The following CELF2 variants were observed in gnomAD, a reference collection of about 807,000 sequenced individuals.
CELF2 encodes CUG triplet repeat RNA-binding protein 2.
A neutral mutation model predicts 62.6 loss-of-function variants in CELF2; 8 were observed. The observed-to-expected ratio is 0.13, with a 90% CI of 0.07 to 0.23. The LOEUF (loss-of-function observed/expected upper bound fraction) is 0.23, where lower values mean the gene tolerates loss of function less well. Among genes scored for constraint, CELF2 ranks in the 10% least tolerant of loss-of-function variants. The probability of loss-of-function intolerance (pLI) is 1.00; values close to 1 mark genes in which losing one functional copy is unlikely to be tolerated. For missense variants in CELF2, 333 were observed against 671.0 expected (o/e 0.50, Z 5.56); for synonymous variants, 258 against 250.0 (o/e 1.03, Z -0.30).
the CELF2 span, among the ~76,000 whole-genome samples, chr10:10,521,892 A>G: frequency 6.6e-6 from 1 of 152,220 alleles, no homozygotes; most frequent in African/African-American, 2.4e-5. Context: ...AGGGAACTCT[A>G]CATACTCATG....
chr10:10,944,331 A>T (rs1472393961), intron 2 of CELF2: 2 of 152,662 alleles, frequency 1.3e-5, no homozygotes, highest in African/African-American at 4.8e-5. Context: ...TGACCTGCAG[A>T]AAATATTTTG....
At chr10:11,293,455 T>C (rs2092777209) in intron 9 of CELF2, among the ~76,000 whole-genome samples, 1 of 152,218 alleles carries the variant, frequency 6.6e-6, no homozygotes, top group Admixed American at 6.5e-5. Flanking sequence ...CACTTCCACA[T>C]CGTATTGCTG....
At chr10:11,125,780 A>G (rs1362648410) in intron 1 of CELF2, among the ~76,000 whole-genome samples, 1 of 152,142 alleles carries the variant, frequency 6.6e-6, no homozygotes, top group East Asian at 1.9e-4. Context: ...CTTGTCTCCT[A>G]AAACTCATTT....
At chr10:10,755,423 G>A in the CELF2 span, among the ~76,000 whole-genome samples, 3 of 152,266 alleles carry the variant, frequency 2.0e-5, no homozygotes, top group African/African-American at 4.8e-5. Flanking sequence ...TGCCAAACAC[G>A]GGGGAAATTC....
Position 11,306,824 on chromosome 10 carries a change from G to C in CELF2, c.977-7315G>C, listed in dbSNP as rs1253307747. On this transcript the variant is annotated intron_variant, in intron 9 of 12. Coordinates refer to ENST00000633077, the MANE Select transcript of CELF2 (RefSeq NM_001326342.2). The surrounding 1 kb of genome is among the most constrained non-coding windows in gnomAD (Gnocchi z 4.4). The stretch of plus-strand genomic sequence containing the variant: ...AGTAAGAAGTGAGAAATTATGTCCA[G>C]TTCACTATAGCCAGCCTCCCAGTTT... Among the ~76,000 whole-genome samples, 2 of 152,174 alleles carry C rather than the reference G, an allele frequency of 1.3e-5. No homozygotes were observed. The highest frequency in any genetic ancestry group is 2.9e-5 in the Non-Finnish European group (2 of 68,034).
At chr10:10,597,738 C>T in the CELF2 span, among the ~76,000 whole-genome samples, 1 of 152,154 alleles carries the variant, frequency 6.6e-6, no homozygotes, top group African/African-American at 2.4e-5. Context: ...TGCCCTGATC[C>T]CTTGGCCTCT....
chr10:10,579,261 T>C, the CELF2 span, among the ~76,000 whole-genome samples: 5 of 152,194 alleles, frequency 3.3e-5, no homozygotes, highest in East Asian at 9.6e-4. Context: ...ATTTGCATCT[T>C]GGAGTTTAAG....
chr10:10,550,772 C>T, the CELF2 span, among the ~76,000 whole-genome samples: 7 of 151,848 alleles, frequency 4.6e-5, no homozygotes, highest in South Asian at 2.1e-4. Context: ...CATCTCAGCT[C>T]GCTGCAACCT....
intron 1 of CELF2, among the ~76,000 whole-genome samples, chr10:11,065,477 C>T (rs1016253817): frequency 1.3e-5 from 2 of 152,074 alleles, no homozygotes; most frequent in African/African-American, 4.8e-5. Context: ...ATCCAGTGAA[C>T]CATCTAGTGT....
the CELF2 span, among the ~76,000 whole-genome samples, chr10:10,472,991 C>G: frequency 2.4e-4 from 37 of 152,104 alleles, no homozygotes; most frequent in African/African-American, 8.7e-4. Context: ...TCATTTCTGA[C>G]ACTGCGAACT....
At chr10:11,164,624 T>C (rs572702294) in intron 1 of CELF2, among the ~76,000 whole-genome samples, 2 of 152,134 alleles carry the variant, frequency 1.3e-5, no homozygotes, top group South Asian at 2.1e-4. Flanking sequence ...ATTTGAAATA[T>C]TCAGTGTCTT....
chr10:10,698,785 G>A, the CELF2 span, among the ~76,000 whole-genome samples: 68,494 of 151,954 alleles, frequency 0.45, 15,879 homozygotes, highest in Non-Finnish European at 0.52. Context: ...ATCCTTACAC[G>A]CCAACACAAA....
the CELF2 span, among the ~76,000 whole-genome samples, chr10:10,584,440 G>A: frequency 6.6e-6 from 1 of 152,242 alleles, no homozygotes; most frequent in South Asian, 2.1e-4. Context: ...AATGGTTGAA[G>A]TGTGGCCGCT....
chr10:11,173,115 G>A (rs1318184661), intron 2 of CELF2, among the ~76,000 whole-genome samples: 2 of 152,156 alleles, frequency 1.3e-5, no homozygotes, highest in South Asian at 2.1e-4. Context: ...TTTATTTGCA[G>A]CCAGCAAGAA....
intron 2 of CELF2, among the ~76,000 whole-genome samples, chr10:11,193,350 G>A (rs200093488): frequency 6.6e-4 from 100 of 152,312 alleles, no homozygotes; most frequent in Middle Eastern, 3.4e-3. Context: ...AGAACTGGGA[G>A]CCTGTAAGAA....
intron 5 of CELF2, among the ~76,000 whole-genome samples, chr10:11,265,563 A>C (rs1162795033): frequency 6.6e-6 from 1 of 152,222 alleles, no homozygotes; most frequent in Non-Finnish European, 1.5e-5. Flanking sequence ...AATCTGCATT[A>C]ATTTCACAGT....
intron 1 of CELF2, among the ~76,000 whole-genome samples, chr10:10,866,920 C>CAA (rs56098222): frequency 5.6e-4 from 55 of 97,658 alleles, no homozygotes; most frequent in Admixed American, 1.1e-3. Flanking sequence ...AACTCCTTCT[C>CAA]AAAAAAAAAA....
chr10:10,692,077 C>T, the CELF2 span, among the ~76,000 whole-genome samples: 1 of 150,450 alleles, frequency 6.6e-6, no homozygotes, highest in South Asian at 2.1e-4. Context: ...ACATGAAGTC[C>T]TTGCCCATGC....
chr10:10,923,586 A>G (rs2146551), intron 2 of CELF2, among the ~76,000 whole-genome samples: 59,483 of 152,134 alleles, frequency 0.39, 13,187 homozygotes, highest in East Asian at 0.71. Context: ...TTTCATTGCT[A>G]ATGATAACCT....
Sources: allele counts gnomAD v4.1 joint callset (sites outside exome capture counted in the v4.1 genomes callset), GRCh38; gene constraint gnomAD v4.1.1; non-coding constraint Gnocchi (gnomAD v3.1); transcripts MANE v1.5; gene names NCBI Gene and HGNC (gene_info 2026-07-23, HGNC 2026-07-21).